GUCY1A2: variants seen among roughly 807,000 people sequenced by gnomAD.
GUCY1A2 encodes guanylate cyclase soluble subunit alpha-2.
A neutral mutation model predicts 63.5 loss-of-function variants in GUCY1A2; 27 were observed. The ratio of observed to expected loss-of-function variants is 0.43; its 90% confidence interval spans 0.31 to 0.59. The LOEUF is 0.59. Among genes scored for constraint, GUCY1A2 ranks in the 20% least tolerant of loss-of-function variants. The pLI is 0.11. For missense variants in GUCY1A2, 768 were observed against 913.3 expected, an observed-to-expected ratio of 0.84 and a Z score of 2.05; for synonymous variants, 364 against 343.5, an observed-to-expected ratio of 1.06 and a Z score of -0.66.
rs1247879070 is a variant in GUCY1A2, at chr11:106,847,432, A to C, written c.1207-36954T>G. On this transcript the variant is annotated intron_variant, in intron 4 of 7. Coordinates refer to ENST00000526355, the MANE Select transcript of GUCY1A2 (RefSeq NM_000855.3). ...TCTTACACATCAAGTATCTGACCCA[A>C]AGGAAATAATCAATACTAATCATTG... Among the ~76,000 whole-genome samples, 3 of 151,528 alleles carry C rather than the reference A, an allele frequency of 2.0e-5. No individual in the cohort carries two copies. In the East Asian group the frequency reaches 5.8e-4, roughly 29 times the overall value.
At chr11:106,888,180 C>T (rs1028376272) in intron 4 of GUCY1A2, among the ~76,000 whole-genome samples, 2 of 151,900 alleles carry the variant, frequency 1.3e-5, no homozygotes, top group African/African-American at 4.8e-5. Context: ...ATTTTGAGGC[C>T]GGGCACGGTG....
At chr11:106,891,423 G>T (rs1036733666) in intron 4 of GUCY1A2, among the ~76,000 whole-genome samples, 2 of 152,006 alleles carry the variant, frequency 1.3e-5, no homozygotes, top group Non-Finnish European at 1.5e-5. Flanking sequence ...GCCTTTTGAT[G>T]AAGAAAATAT....
chr11:106,697,029 T>C (rs1207972431), intron 7 of GUCY1A2, among the ~76,000 whole-genome samples: 1 of 152,190 alleles, frequency 6.6e-6, no homozygotes, highest in Non-Finnish European at 1.5e-5. Flanking sequence ...CAAAGATTAG[T>C]TACAGCTCTA....
intron 4 of GUCY1A2, among the ~76,000 whole-genome samples, chr11:106,835,061 C>A (rs1170333437): frequency 5.9e-5 from 9 of 151,736 alleles, no homozygotes; most frequent in Admixed American, 3.3e-4. Context: ...ATAAAACTTA[C>A]CACCAGAAAT....
At chr11:106,981,725 G>A (rs561250005) in intron 2 of GUCY1A2, among the ~76,000 whole-genome samples, 17 of 149,992 alleles carry the variant, frequency 1.1e-4, no homozygotes, top group African/African-American at 3.9e-4. Context: ...GCCCTCTAGA[G>A]ACAGAAATTT....
chr11:106,677,097 A>G lies in GUCY1A2; in HGVS notation c.*10452T>C. The G allele has an allele frequency of 9.4e-6, 2 of 213,166 alleles. No homozygotes were observed. The highest frequency in any genetic ancestry group is 6.9e-5 in the East Asian group (1 of 14,552). The allele number at this position is 213,166 out of a possible 1,614,324, so 13.2% of individuals were successfully genotyped here. A position where few individuals can be genotyped will look rare whatever the true frequency, so the allele number is the denominator to read the frequency against. The stretch of plus-strand genomic sequence containing the variant: ...GTGTTCAATCATGTGAAAGTGAAAA[A>G]GGGAGGCTCCAGCCCAAATAGTAAA... On this transcript the variant is annotated 3_prime_UTR_variant, in exon 8 of 8. Coordinates refer to ENST00000526355, the MANE Select transcript of GUCY1A2 (RefSeq NM_000855.3).
intron 4 of GUCY1A2, among the ~76,000 whole-genome samples, chr11:106,934,231 C>T (rs1487676373): frequency 1.3e-5 from 2 of 152,166 alleles, no homozygotes; most frequent in South Asian, 2.1e-4. Flanking sequence ...ACAGAGTGAA[C>T]TCCAGGTAAT....
intron 7 of GUCY1A2, among the ~76,000 whole-genome samples, chr11:106,699,847 T>G (rs1209024225): frequency 6.6e-6 from 1 of 151,910 alleles, no homozygotes; most frequent in Non-Finnish European, 1.5e-5. Context: ...AGTGGCGCCA[T>G]CTCGGCTCAC....
intron 4 of GUCY1A2, among the ~76,000 whole-genome samples, chr11:106,899,627 T>C (rs1300846479): frequency 1.3e-5 from 2 of 152,210 alleles, no homozygotes; most frequent in African/African-American, 4.8e-5. Context: ...AAAATATTTA[T>C]AGTTGTTCTT....
At chr11:106,713,708 G>T (rs10890569) in intron 6 of GUCY1A2, among the ~76,000 whole-genome samples, 56,994 of 151,272 alleles carry the variant, frequency 0.38, 11,034 homozygotes, top group Middle Eastern at 0.47. Flanking sequence ...GGGTTTTACC[G>T]TGTTAGCCAG....
chr11:106,989,196 A>C (rs1016299712), intron 1 of GUCY1A2, among the ~76,000 whole-genome samples: 1 of 152,194 alleles, frequency 6.6e-6, no homozygotes, highest in African/African-American at 2.4e-5. Context: ...TCTTATGTGC[A>C]TCTGTCCTTT....
At chr11:106,866,273 G>A (rs773563852) in intron 4 of GUCY1A2, among the ~76,000 whole-genome samples, 1 of 151,914 alleles carries the variant, frequency 6.6e-6, no homozygotes, top group Non-Finnish European at 1.5e-5. Flanking sequence ...AGGAAGGGAG[G>A]ACAGGAGGAA....
chr11:106,892,715 A>T (rs1241128572), intron 4 of GUCY1A2, among the ~76,000 whole-genome samples: 1 of 152,150 alleles, frequency 6.6e-6, no homozygotes, highest in East Asian at 1.9e-4. Context: ...TCCTCCTTGT[A>T]GTAAAGAATG....
chr11:107,014,341 C>A (rs1395107944), intron 1 of GUCY1A2, among the ~76,000 whole-genome samples: 1 of 152,058 alleles, frequency 6.6e-6, no homozygotes, highest in Non-Finnish European at 1.5e-5. Flanking sequence ...CCTGCCTCGG[C>A]CTCCCAAAGT....
At chr11:106,719,569 C>T (rs1490212825) in intron 6 of GUCY1A2, among the ~76,000 whole-genome samples, 3 of 152,096 alleles carry the variant, frequency 2.0e-5, no homozygotes, top group Non-Finnish European at 4.4e-5. Context: ...GTAAGCCATA[C>T]CTTCTTTTAA....
intron 6 of GUCY1A2, among the ~76,000 whole-genome samples, chr11:106,710,138 AAT>A (rs1188382824): frequency 2.0e-5 from 2 of 100,622 alleles, no homozygotes; most frequent in African/African-American, 3.9e-5. Flanking sequence ...TTATATATAT[AAT>A]ATATAGTTAT....
At chr11:106,923,448 A>G (rs1860476352) in intron 4 of GUCY1A2, among the ~76,000 whole-genome samples, 1 of 152,212 alleles carries the variant, frequency 6.6e-6, no homozygotes, top group South Asian at 2.1e-4. Flanking sequence ...GATGAAAACA[A>G]CACATAAATG....
chr11:106,805,900 A>G (rs1382627060), intron 5 of GUCY1A2, among the ~76,000 whole-genome samples: 1 of 152,208 alleles, frequency 6.6e-6, no homozygotes, highest in Non-Finnish European at 1.5e-5. Context: ...TTAGAATCAG[A>G]CAAGTCTCAG....
chr11:106,874,983 G>A (rs1352735026), intron 4 of GUCY1A2, among the ~76,000 whole-genome samples: 1 of 150,260 alleles, frequency 6.7e-6, no homozygotes, highest in Admixed American at 6.6e-5. Context: ...TTTATTGCTA[G>A]TGAAATAAAG....
Sources: allele counts gnomAD v4.1 joint callset (sites outside exome capture counted in the v4.1 genomes callset), GRCh38; gene constraint gnomAD v4.1.1; transcripts MANE v1.5; gene names NCBI Gene and HGNC (gene_info 2026-07-23, HGNC 2026-07-21).